The following KIDINS220 variants were observed in gnomAD, a reference collection of about 807,000 sequenced individuals.
KIDINS220 encodes the protein kinase D-interacting substrate of 220 kDa.
In KIDINS220, 63 loss-of-function variants were observed where a neutral mutation model predicts 157.6. The ratio of observed to expected loss-of-function variants is 0.40; its 90% CI spans 0.33 to 0.49. The LOEUF (loss-of-function observed/expected upper bound fraction) is 0.49, where lower values mean the gene tolerates loss of function less well. Among genes scored for constraint, KIDINS220 ranks in the 20% least tolerant of loss-of-function variants. The pLI is 0.66. For synonymous variants in KIDINS220, 732 were observed against 783.6 expected (o/e 0.93, Z 1.10); for missense variants, 1,772 against 2,171.2 (o/e 0.82, Z 3.65).
At chr2:8,823,578 T>C (rs1168244102) in intron 2 of KIDINS220, among the ~76,000 whole-genome samples, 1 of 152,176 alleles carries the variant, frequency 6.6e-6, no homozygotes, top group Non-Finnish European at 1.5e-5. Context: ...TAAATGCTTA[T>C]CTCGCATGAT....
Position 8,802,953 on chromosome 2 carries a change from T to A in KIDINS220, c.778A>T (p.Thr260Ser), listed in dbSNP as rs1176801090. The A allele has an allele frequency of 6.2e-7, 1 of 1,613,972 alleles. No homozygotes were observed. ...EIVQDLLDAG[T>S]YVNIPDRSGD... ...ACCCTGTCAGGTATGTTCACATATG[T>A]TCCAGCGTCGAGCAGATCCTGCACA... Residue 260 changes from threonine to serine, a missense_variant, in exon 8 of 30, where the codon ACA (threonine) becomes TCA (serine). Coordinates refer to ENST00000256707, the MANE Select transcript of KIDINS220 (RefSeq NM_020738.4).
chr2:8,769,826 T>C (rs1414545630), intron 22 of KIDINS220, among the ~76,000 whole-genome samples: 1 of 152,208 alleles, frequency 6.6e-6, no homozygotes, highest in East Asian at 1.9e-4. Flanking sequence ...CACTTCTCAA[T>C]AGGCAGACAG....
intron 26 of KIDINS220, among the ~76,000 whole-genome samples, chr2:8,744,982 T>TTG (rs1466386555): frequency 6.6e-6 from 1 of 152,172 alleles, no homozygotes; most frequent in Non-Finnish European, 1.5e-5. Flanking sequence ...CAGAGCACCT[T>TTG]TGTTGAGCTT....
At chr2:8,789,526 G>A (rs1046506389) in intron 14 of KIDINS220, among the ~76,000 whole-genome samples, 3 of 152,188 alleles carry the variant, frequency 2.0e-5, no homozygotes, top group African/African-American at 4.8e-5. Flanking sequence ...CTGACCTTAC[G>A]ATCTGCCCGC....
chr2:8,732,813 C>T (rs1422137947), intron 29 of KIDINS220, among the ~76,000 whole-genome samples: 6 of 152,172 alleles, frequency 3.9e-5, no homozygotes. Context: ...CCCGCTGTGC[C>T]TCCTCCCCCG....
intron 25 of KIDINS220, chr2:8,747,410 C>A: frequency 1.8e-6 from 1 of 568,800 alleles, no homozygotes. Flanking sequence ...ATTTTGGGCA[C>A]AAATGTCTTT....
rs924367928 is a variant in KIDINS220 at position 8,830,982 on chromosome 2, G to C, written c.-36-3853C>G. 7.2e-5 allele frequency among the ~76,000 whole-genome samples: 11 copies of C among 152,300 alleles called. 1 individual carries two copies. The highest frequency in any genetic ancestry group is 5.2e-4 in the Admixed American group (8 of 15,302). ...TCACCCAGATCAATGTGACAGGCTA[G>C]CAACTTTTGCCTCCTCTCTCCAGGC... On this transcript the variant is annotated intron_variant, in intron 1 of 29. Transcript: ENST00000256707.
chr2:8,800,144 T>C (rs925734039), intron 9 of KIDINS220: 1 of 365,528 alleles, frequency 2.7e-6, no homozygotes, highest in African/African-American at 2.1e-5. Flanking sequence ...ATTGAATCTA[T>C]ATATACCCAT....
At chr2:8,806,463 T>G in intron 6 of KIDINS220, 94 bp from the exon 7 acceptor site, 2 of 756,292 alleles carry the variant, frequency 2.6e-6, no homozygotes, top group Non-Finnish European at 4.2e-6. Context: ...TCTTACTTTT[T>G]ATCATTCTCA....
At chr2:8,795,955 T>C (rs1325796121) in intron 11 of KIDINS220, among the ~76,000 whole-genome samples, 1 of 152,248 alleles carries the variant, frequency 6.6e-6, no homozygotes, top group Admixed American at 6.5e-5. Flanking sequence ...TAAAGTTTCC[T>C]TTCTTTGATA....
intron 17 of KIDINS220, among the ~76,000 whole-genome samples, chr2:8,784,848 T>C (rs1672177135): frequency 6.6e-6 from 1 of 152,240 alleles, no homozygotes; most frequent in Admixed American, 6.5e-5. Flanking sequence ...AACAGTCTGG[T>C]TGTTTCTAAC....
chr2:8,752,210 G>A (rs535101709), intron 22 of KIDINS220, among the ~76,000 whole-genome samples: 4 of 151,980 alleles, frequency 2.6e-5, no homozygotes, highest in African/African-American at 9.7e-5. Context: ...CTATACAGAC[G>A]AGATTTCGCC....
chr2:8,827,252 C>T (rs1052491618), intron 1 of KIDINS220, 123 bp from the exon 2 acceptor site: 21 of 480,842 alleles, frequency 4.4e-5, no homozygotes, highest in African/African-American at 5.8e-5. Flanking sequence ...AGTGAAGATA[C>T]GACTTCCCAC....
chr2:8,789,332 G>A (rs1401036262), intron 14 of KIDINS220, among the ~76,000 whole-genome samples: 1 of 121,342 alleles, frequency 8.2e-6, no homozygotes, highest in Non-Finnish European at 1.8e-5. Context: ...CTGTTGCCCA[G>A]GCTGGAGAGC....
At chr2:8,833,936 C>G (rs1355912912) in intron 1 of KIDINS220, among the ~76,000 whole-genome samples, 1 of 152,176 alleles carries the variant, frequency 6.6e-6, no homozygotes, top group African/African-American at 2.4e-5. Flanking sequence ...TAACTTTTCT[C>G]CGGTTACAGA....
chr2:8,819,890 G>A (rs868832205), intron 2 of KIDINS220, among the ~76,000 whole-genome samples: 4 of 151,992 alleles, frequency 2.6e-5, no homozygotes, highest in Non-Finnish European at 5.9e-5. Flanking sequence ...TGATACTAAA[G>A]GTACTAAGAC....
chr2:8,730,677 G>C lies in KIDINS220; in HGVS notation c.*43C>G. On this transcript the variant is annotated 3_prime_UTR_variant, in exon 30 of 30. Coordinates refer to ENST00000256707, the MANE Select transcript of KIDINS220 (RefSeq NM_020738.4). ...TGGAGTCAAAATCCAGGACAATTCT[G>C]TCATAAAGGTACAGTAACACTCTTC... The C allele has an allele frequency of 6.4e-7, 1 of 1,572,788 alleles. No individual in the cohort carries two copies.
chr2:8,731,991 A>G lies in KIDINS220; in HGVS notation c.4054-9T>C. On this transcript the variant is annotated splice_polypyrimidine_tract_variant and intron_variant, in intron 29 of 29. Transcript: ENST00000256707. This position sits in a 1 kb window ranked among gnomAD's most constrained non-coding sequence, Gnocchi z 5.2. Reference sequence around the variant, plus strand: ...GTTCTGCGAGTTTGTGACTGTGAAGACAGAAAAAAAATAATTTAAAAATTC... The same window carrying G: ...GTTCTGCGAGTTTGTGACTGTGAAGGCAGAAAAAAAATAATTTAAAAATTC... 2.6e-6 allele frequency: 4 copies of G among 1,542,056 alleles called. No individual in the cohort carries two copies. The highest frequency in any genetic ancestry group is 1.3e-5 in the South Asian group (1 of 78,012).
chr2:8,722,747 C>T (rs1041925337), downstream of KIDINS220: 2 of 152,092 alleles, frequency 1.3e-5, no homozygotes, highest in Non-Finnish European at 2.9e-5. Context: ...ACCTTACTTG[C>T]CTTTGGGAGG....
Sources: gnomAD v4.1 joint callset for allele counts (sites outside exome capture counted in the v4.1 genomes callset) on GRCh38, gnomAD v4.1.1 for gene constraint, Gnocchi (gnomAD v3.1) non-coding constraint, MANE v1.5 for transcripts, NCBI Gene and HGNC (gene_info 2026-07-23, HGNC 2026-07-21) for gene names.